Variants in PRDM5 observed in about 807,000 individuals in gnomAD.
The protein encoded by PRDM5 is PR domain zinc finger protein 5.
A neutral mutation model predicts 81.2 loss-of-function variants in PRDM5; 56 were observed. The ratio of observed to expected loss-of-function variants is 0.69; its 90% confidence interval spans 0.56 to 0.86. The LOEUF is 0.86. PRDM5 is among the 40% of genes least tolerant of loss of function. PRDM5 has a pLI of 0.00. For synonymous variants in PRDM5, 267 were observed against 256.4 expected (o/e 1.04, Z -0.39); for missense variants, 697 against 770.1 (o/e 0.91, Z 1.12).
intron 2 of PRDM5, among the ~76,000 whole-genome samples, chr4:120,870,506 C>T (rs1469333247): frequency 6.6e-6 from 1 of 152,068 alleles, no homozygotes; most frequent in Non-Finnish European, 1.5e-5. Flanking sequence ...ACCTCACCTG[C>T]CTGACCTGCC....
chr4:120,799,226 A>G (rs1209652022), intron 9 of PRDM5, among the ~76,000 whole-genome samples: 2 of 152,242 alleles, frequency 1.3e-5, no homozygotes, highest in Non-Finnish European at 2.9e-5. Flanking sequence ...AACATGTATT[A>G]GTAACTTAGC....
chr4:120,863,191 T>TATCTACACACACACAC (rs1553997193), intron 2 of PRDM5, among the ~76,000 whole-genome samples: 2 of 70,312 alleles, frequency 2.8e-5, no homozygotes, highest in African/African-American at 1.0e-4. Context: ...TATATATATA[T>TATCTACACACACACAC]ACACACACAC....
rs181032087 is a variant in PRDM5 at position 120,776,163 on chromosome 4, T to C, written c.1537+1025A>G. 1.1e-4 allele frequency among the ~76,000 whole-genome samples: 16 copies of C among 152,340 alleles called. No homozygotes were observed. The East Asian group carries it at 2.7e-3, about 26-fold the overall frequency. On this transcript the variant is annotated intron_variant, in intron 13 of 15. Transcript: ENST00000264808. Reference sequence around the variant, plus strand: ...CTTTTCTTCTTTAGAGCACCCATTATTCCACAGCTATCTGTTCTTGGTTAT... The same window carrying C: ...CTTTTCTTCTTTAGAGCACCCATTACTCCACAGCTATCTGTTCTTGGTTAT...
rs573435327 is a variant in PRDM5 at position 120,754,628 on chromosome 4, G to C, written c.1548C>G (p.Pro516=). 6.3e-7 allele frequency: 1 copy of C among 1,596,878 alleles called. No homozygotes were observed. Among genetic ancestry groups the C allele is most frequent in the African/African-American group, 1.3e-5 (1 of 74,608 alleles). The change falls in exon 14 of 16, where the codon CCC becomes CCG. Residue 516 remains proline (P), a synonymous_variant. Transcript: ENST00000264808. ...CTTTTTCACAGTAAGGACATTGATA[G>C]GGACGCTCACCTACAAATAAAGGAA... ...VHIRSHTGER[P]YQCPYCEKGF... is the part of the protein sequence containing the mutation.
chr4:120,848,747 A>G (rs1196783307), intron 3 of PRDM5, among the ~76,000 whole-genome samples: 3 of 152,188 alleles, frequency 2.0e-5, no homozygotes, highest in South Asian at 4.1e-4. Context: ...TGAAAATAAT[A>G]TTGATAAGTA....
At chr4:120,792,564 G>A (rs553584535) in intron 10 of PRDM5, among the ~76,000 whole-genome samples, 7 of 152,194 alleles carry the variant, frequency 4.6e-5, no homozygotes, top group East Asian at 3.9e-4. Context: ...TCCCACTTCC[G>A]GGTACATCTT....
intron 10 of PRDM5, among the ~76,000 whole-genome samples, chr4:120,793,784 T>C (rs1750934456): frequency 6.6e-6 from 1 of 152,206 alleles, no homozygotes; most frequent in South Asian, 2.1e-4. Flanking sequence ...AGAGTAGATT[T>C]TGGATATTTT....
chr4:120,845,969 C>G (rs893613419), intron 3 of PRDM5, among the ~76,000 whole-genome samples: 9 of 152,082 alleles, frequency 5.9e-5, no homozygotes, highest in Non-Finnish European at 1.5e-5. Flanking sequence ...GATGGAAATA[C>G]CAAGAAAACT....
rs933694466 is a variant in PRDM5 at position 120,752,009 on chromosome 4, A to C, written c.1623+2544T>G. Among the ~76,000 whole-genome samples the C allele has an allele frequency of 2.6e-5, 4 of 152,230 alleles. No homozygotes were observed. The East Asian group carries it at 7.7e-4, about 29-fold the overall frequency. ...GCTATCTAAATGCTCATGTAATGTG[A>C]ATGCAAAATTGAAACTGAAATGTGT... On this transcript the variant is annotated intron_variant, in intron 14 of 15. Transcript: ENST00000264808.
At chr4:120,860,771 A>C (rs1760478595) in intron 2 of PRDM5, among the ~76,000 whole-genome samples, 1 of 152,172 alleles carries the variant, frequency 6.6e-6, no homozygotes, top group Non-Finnish European at 1.5e-5. Context: ...TTATTTTGTC[A>C]ATATTGTTAA....
rs972439228 is a variant in PRDM5 at position 120,897,498 on chromosome 4, T to C, written c.177+9976A>G. Among the ~76,000 whole-genome samples, 3 of 152,180 alleles carry C rather than the reference T, an allele frequency of 2.0e-5. No homozygotes were observed. The South Asian group carries it at 6.2e-4, about 31-fold the overall frequency. ...ACAGCTTCCTCAATTCATCAGATAA[T>C]GTTTTTAAAAAGTCCTGGAAAATTC... On this transcript the variant is annotated intron_variant, in intron 2 of 15. Coordinates refer to ENST00000264808, the MANE Select transcript of PRDM5 (RefSeq NM_018699.4).
chr4:120,818,603 A>C, intron 4 of PRDM5, 76 bp from the exon 5 acceptor site: 1 of 1,247,840 alleles, frequency 8.0e-7, no homozygotes, highest in Non-Finnish European at 1.2e-6. Flanking sequence ...CTCTCATTTT[A>C]AATTAATTAA....
In PRDM5 at chr4:120,762,427, G is replaced by A. The variant is rs540754840; in HGVS notation, c.1538-7789C>T. On this transcript the variant is annotated intron_variant, in intron 13 of 15. Coordinates refer to ENST00000264808, the MANE Select transcript of PRDM5 (RefSeq NM_018699.4). Reference sequence around the variant, plus strand: ...AACTTTAAAATATATGTATTATATGGGAATTCTTTAGAAGAACTTTACATT... The same window carrying A: ...AACTTTAAAATATATGTATTATATGAGAATTCTTTAGAAGAACTTTACATT... 9 of 152,212 alleles carry A rather than the reference G, an allele frequency of 5.9e-5. No homozygotes were observed. The South Asian group carries it at 1.5e-3, about 25-fold the overall frequency. 9.4% of individuals were successfully genotyped at this position (152,212 alleles called of 1,614,324 possible).
intron 1 of PRDM5, among the ~76,000 whole-genome samples, chr4:120,921,587 A>G (rs897449555): frequency 6.6e-6 from 1 of 152,118 alleles, no homozygotes; most frequent in Admixed American, 6.5e-5. Context: ...TTGTTAACAT[A>G]CCTTACCTGA....
chr4:120,872,246 C>A (rs1339392573), intron 2 of PRDM5, among the ~76,000 whole-genome samples: 3 of 149,334 alleles, frequency 2.0e-5, no homozygotes, highest in Non-Finnish European at 3.0e-5. Flanking sequence ...TGGGATCTCA[C>A]AGAGATATTT....
At chr4:120,839,274 C>T (rs1757722460) in intron 3 of PRDM5, 1 of 702,910 alleles carries the variant, frequency 1.4e-6, no homozygotes, top group Admixed American at 2.0e-5. Flanking sequence ...AAATTCTTGT[C>T]CTGTGACCAG....
intron 13 of PRDM5, among the ~76,000 whole-genome samples, chr4:120,757,880 C>T (rs954694027): frequency 4.9e-5 from 7 of 143,578 alleles, no homozygotes; most frequent in African/African-American, 1.7e-4. Context: ...TTTCTCTTCT[C>T]TTCTCCTTCT....
Position 120,727,731 on chromosome 4 carries a change from T to C in PRDM5, c.1624-17318A>G, listed in dbSNP as rs1382728573. ...CGGGTGGATCACTTGAGTTCAGGAG[T>C]TCGAGACTAGCCTGGCCAACACGGT... On this transcript the variant is annotated intron_variant, in intron 14 of 15. Coordinates refer to ENST00000264808, the MANE Select transcript of PRDM5 (RefSeq NM_018699.4). 2.0e-5 allele frequency among the ~76,000 whole-genome samples: 3 copies of C among 151,490 alleles called. No homozygotes were observed. In the East Asian group the frequency reaches 5.8e-4, roughly 29 times the overall value.
chr4:120,756,397 A>G (rs1744746466), intron 13 of PRDM5, among the ~76,000 whole-genome samples: 1 of 152,228 alleles, frequency 6.6e-6, no homozygotes, highest in Non-Finnish European at 1.5e-5. Flanking sequence ...AAAACTTGGG[A>G]GCCATCCAAG....
Sources: gnomAD v4.1 joint callset for allele counts (sites outside exome capture counted in the v4.1 genomes callset) on GRCh38, gnomAD v4.1.1 for gene constraint, MANE v1.5 for transcripts, NCBI Gene and HGNC (gene_info 2026-07-23, HGNC 2026-07-21) for gene names.